Variants in LRBA observed in about 807,000 individuals in gnomAD.
LRBA encodes the protein LPS responsive beige-like anchor protein.
Under a neutral mutation model 330.0 loss-of-function variants are expected in LRBA, and 176 were observed. That is an observed-to-expected ratio of 0.53 (90% CI 0.47 to 0.60). LRBA has a LOEUF of 0.60. LRBA is among the 20% of genes least tolerant of loss of function. The pLI is 0.00. For synonymous variants in LRBA, 1,230 were observed against 1,193.0 expected, an observed-to-expected ratio of 1.03 and a Z score of -0.64; for missense variants, 3,259 against 3,444.8, an observed-to-expected ratio of 0.95 and a Z score of 1.35.
intron 40 of LRBA, among the ~76,000 whole-genome samples, chr4:150,573,661 A>C (rs1167978711): frequency 6.6e-6 from 1 of 152,204 alleles, no homozygotes; most frequent in Non-Finnish European, 1.5e-5. Flanking sequence ...CGTAAGTGAA[A>C]GGAGGTGTTG....
At chr4:150,381,628 T>G (rs1179360213) in intron 47 of LRBA, among the ~76,000 whole-genome samples, 6 of 152,224 alleles carry the variant, frequency 3.9e-5, no homozygotes, top group African/African-American at 1.4e-4. Context: ...GTTTCTACTT[T>G]TTGGCTACTA....
chr4:150,818,534 G>GTGTGTC (rs1198056367), intron 30 of LRBA, among the ~76,000 whole-genome samples: 1 of 106,858 alleles, frequency 9.4e-6, no homozygotes, highest in Non-Finnish European at 1.6e-5. Flanking sequence ...ACGAATGTCT[G>GTGTGTC]TGTGTGTGTG....
chr4:150,809,721 T>C (rs72961840), intron 31 of LRBA, among the ~76,000 whole-genome samples: 4,933 of 152,106 alleles, frequency 0.032, 221 homozygotes, highest in African/African-American at 0.11. Context: ...CAGGAATGGT[T>C]GTGTGTGCCT....
At chr4:150,351,688 C>CA (rs1458538088) in intron 47 of LRBA, among the ~76,000 whole-genome samples, 14 of 152,068 alleles carry the variant, frequency 9.2e-5, no homozygotes, top group Admixed American at 7.9e-4. Context: ...GACTCCGTCT[C>CA]AAAAAACAAA....
intron 37 of LRBA, among the ~76,000 whole-genome samples, chr4:150,658,332 T>C (rs1449039830): frequency 1.3e-5 from 2 of 149,924 alleles, no homozygotes; most frequent in African/African-American, 4.9e-5. Flanking sequence ...ATTTAACACA[T>C]TCCTATTAAA....
chr4:150,455,933 T>C (rs1754003018), intron 44 of LRBA, among the ~76,000 whole-genome samples: 2 of 152,172 alleles, frequency 1.3e-5, no homozygotes, highest in South Asian at 4.1e-4. Flanking sequence ...TTTGTCTGTC[T>C]GTGCCTGGTT....
intron 33 of LRBA, 58 bp downstream of exon 33, chr4:150,806,213 T>TA (rs1394362001): frequency 7.8e-7 from 1 of 1,275,086 alleles, no homozygotes; most frequent in East Asian, 2.7e-5. Flanking sequence ...ATTATCCATG[T>TA]AAGTTTTTAA....
chr4:150,939,868 G>A (rs946068774), intron 2 of LRBA, among the ~76,000 whole-genome samples: 1 of 152,056 alleles, frequency 6.6e-6, no homozygotes, highest in Non-Finnish European at 1.5e-5. Context: ...CACCTATTGG[G>A]TACAATGTGC....
intron 2 of LRBA, among the ~76,000 whole-genome samples, chr4:150,976,440 G>T (rs1740187469): frequency 6.6e-6 from 1 of 151,890 alleles, no homozygotes. Context: ...TACTCCTACT[G>T]GCAAAAAATT....
intron 20 of LRBA, among the ~76,000 whole-genome samples, chr4:150,868,852 C>T (rs1753068788): frequency 6.6e-6 from 1 of 151,984 alleles, no homozygotes; most frequent in Admixed American, 6.6e-5. Flanking sequence ...ACAGGTGAAT[C>T]GCTTGAACCC....
intron 48 of LRBA, among the ~76,000 whole-genome samples, chr4:150,331,105 C>T (rs555504774): frequency 6.6e-6 from 1 of 152,302 alleles, no homozygotes; most frequent in South Asian, 2.1e-4. Flanking sequence ...TAGGACAACA[C>T]TCCATTGTCT....
At chr4:150,668,125 G>C (rs1488331026) in intron 37 of LRBA, among the ~76,000 whole-genome samples, 1 of 152,198 alleles carries the variant, frequency 6.6e-6, no homozygotes, top group Non-Finnish European at 1.5e-5. Context: ...ATGGCCTCTG[G>C]AAGTTTGGGT....
At chr4:150,561,880 A>G (rs919640698) in intron 40 of LRBA, among the ~76,000 whole-genome samples, 1 of 152,014 alleles carries the variant, frequency 6.6e-6, no homozygotes, top group Non-Finnish European at 1.5e-5. Context: ...ACTAAACAAC[A>G]CCCTACCAAT....
In LRBA at chr4:150,681,433, T is replaced by C. The variant is rs116987597; in HGVS notation, c.5921+2118A>G. Among the ~76,000 whole-genome samples, 754 of 152,268 alleles carry C rather than the reference T, an allele frequency of 5.0e-3. 18 individuals carry two copies. Among genetic ancestry groups the C allele is most frequent in the Admixed American group, 0.039 (599 of 15,290 alleles). ...ACATTAAGATCCACACTTCACATTATTGGGAATTAATATTGAAAAGGACTA... is the reference window on the plus strand; with the variant it reads ...ACATTAAGATCCACACTTCACATTACTGGGAATTAATATTGAAAAGGACTA... On this transcript the variant is annotated intron_variant, in intron 37 of 56. Transcript: ENST00000651943.
chr4:150,761,755 C>G (rs763100089), intron 35 of LRBA, 28 bp downstream of exon 35: 1 of 1,422,864 alleles, frequency 7.0e-7, no homozygotes, highest in Non-Finnish European at 9.6e-7. Flanking sequence ...AAGAAAAATA[C>G]AAAATGAATT....
At chr4:150,280,991 A>C (rs1747430530) in intron 55 of LRBA, among the ~76,000 whole-genome samples, 1 of 152,204 alleles carries the variant, frequency 6.6e-6, no homozygotes, top group Admixed American at 6.5e-5. Flanking sequence ...AGAGGGAAAA[A>C]GCAATGGCTA....
intron 40 of LRBA, among the ~76,000 whole-genome samples, chr4:150,532,210 T>G (rs2152202624): frequency 6.6e-6 from 1 of 152,298 alleles, no homozygotes; most frequent in East Asian, 1.9e-4. Flanking sequence ...AAAACCCTCA[T>G]CCATTATCCT....
At chr4:150,987,098 A>G (rs1404657337) in intron 2 of LRBA, among the ~76,000 whole-genome samples, 1 of 152,230 alleles carries the variant, frequency 6.6e-6, no homozygotes, top group East Asian at 1.9e-4. Flanking sequence ...CTTCAGATTT[A>G]CATAAGAAGG....
chr4:150,772,079 A>T (rs1479615708), intron 34 of LRBA, among the ~76,000 whole-genome samples: 1 of 152,158 alleles, frequency 6.6e-6, no homozygotes, highest in African/African-American at 2.4e-5. Flanking sequence ...ATCCAGACAA[A>T]CCAATAGCCA....
Sources: allele counts gnomAD v4.1 joint callset (sites outside exome capture counted in the v4.1 genomes callset), GRCh38; gene constraint gnomAD v4.1.1; transcripts MANE v1.5; gene names NCBI Gene and HGNC (gene_info 2026-07-23, HGNC 2026-07-21).